GNG7: variants seen among roughly 807,000 people sequenced by gnomAD.
The protein encoded by GNG7 is G protein subunit gamma 7.
GNG7 carries 1 observed loss-of-function variant against 4.0 expected under a neutral mutation model. The observed-to-expected ratio is 0.25, with a 90% confidence interval of 0.09 to 1.18. The LOEUF is 1.18. Ranked by LOEUF, GNG7 falls within the 50% of genes most tolerant of loss-of-function variation. The probability of loss-of-function intolerance (pLI) is 0.50; values close to 1 mark genes in which losing one functional copy is unlikely to be tolerated. For missense variants in GNG7, 86 were observed against 91.9 expected (o/e 0.94, Z 0.26); for synonymous variants, 34 against 36.9 (o/e 0.92, Z 0.29).
chr19:2,580,642 C>G (rs1406293922), intron 2 of GNG7, among the ~76,000 whole-genome samples: 1 of 152,040 alleles, frequency 6.6e-6, no homozygotes, highest in Non-Finnish European at 1.5e-5. Flanking sequence ...TTGCTGTTAC[C>G]CAGGCTGGAG....
intron 2 of GNG7, among the ~76,000 whole-genome samples, chr19:2,602,241 A>G (rs4806867): frequency 1.3e-5 from 2 of 151,930 alleles, no homozygotes; most frequent in African/African-American, 2.4e-5. Context: ...GGAGGCTGAG[A>G]CAGGAGGATT....
chr19:2,587,717 G>A (rs1023838661), intron 2 of GNG7, among the ~76,000 whole-genome samples: 3 of 152,034 alleles, frequency 2.0e-5, no homozygotes, highest in Non-Finnish European at 2.9e-5. Context: ...CGCTGTCTCA[G>A]CCTCCAGGAG....
chr19:2,525,971 A>ATTTTTTTTTTTTTTTCTTT (rs1978381008), intron 3 of GNG7, among the ~76,000 whole-genome samples: 1 of 75,684 alleles, frequency 1.3e-5, no homozygotes, highest in Admixed American at 1.9e-4. Context: ...CTCCACGCCA[A>ATTTTTTTTTTTTTTTCTTT]TTTTTTTTTT....
rs33940288 is a variant in GNG7, at chr19:2,589,371, CTTTTTTTTTT to C, written c.-77-34193_-77-34184del. On this transcript the variant is annotated intron_variant, in intron 2 of 4. Transcript: ENST00000382159. ...CCAGGTAGCTGGGACTACAGGTGCA[CTTTTTTTTTT>C]TTTTTTTTTTTTTTAAATAGCAGAG... Among the ~76,000 whole-genome samples, 36 of 100,576 alleles carry C rather than the reference CTTTTTTTTTT, an allele frequency of 3.6e-4. 4 individuals carry two copies. Among genetic ancestry groups the C allele is most frequent in the African/African-American group, 1.2e-3 (32 of 26,788 alleles). The allele number at this position is 100,576 out of a possible 152,430, so 66.0% of individuals were successfully genotyped here.
intron 2 of GNG7, among the ~76,000 whole-genome samples, chr19:2,602,736 G>T (rs1273660222): frequency 1.3e-5 from 2 of 152,162 alleles, no homozygotes; most frequent in Non-Finnish European, 2.9e-5. Flanking sequence ...TGGGCAGAGG[G>T]CCACCCGGCC....
chr19:2,642,568 G>A (rs112167953), intron 2 of GNG7: 32,971 of 355,132 alleles, frequency 0.093, 2,130 homozygotes, highest in South Asian at 0.22. Flanking sequence ...GTTTCACCAT[G>A]TTGCCTGGGC....
intron 3 of GNG7, among the ~76,000 whole-genome samples, chr19:2,551,337 C>T (rs534194236): frequency 6.6e-6 from 1 of 152,224 alleles, no homozygotes; most frequent in African/African-American, 2.4e-5. Flanking sequence ...CGGGCACATG[C>T]GACCCCTCGG....
intron 3 of GNG7, among the ~76,000 whole-genome samples, chr19:2,552,855 C>CG (rs1305761444): frequency 7.5e-6 from 1 of 134,178 alleles, no homozygotes; most frequent in Admixed American, 7.9e-5. Flanking sequence ...GGCTCCACCC[C>CG]CCCCACCTCC....
chr19:2,542,278 C>G (rs1295969294), intron 3 of GNG7, among the ~76,000 whole-genome samples: 1 of 151,886 alleles, frequency 6.6e-6, no homozygotes, highest in African/African-American at 2.4e-5. Flanking sequence ...CCACATCCAG[C>G]TAACTTTTGT....
At chr19:2,620,023 C>A (rs925171374) in intron 2 of GNG7, among the ~76,000 whole-genome samples, 1 of 151,552 alleles carries the variant, frequency 6.6e-6, no homozygotes, top group Non-Finnish European at 1.5e-5. Flanking sequence ...CATAAAGAAA[C>A]CCCGTCTCTA....
intron 2 of GNG7, among the ~76,000 whole-genome samples, chr19:2,625,466 G>A (rs890294909): frequency 2.6e-5 from 4 of 152,048 alleles, no homozygotes; most frequent in East Asian, 3.9e-4. Context: ...TTCCCATGTC[G>A]GCCTCTGAAA....
chr19:2,539,268 A>G (rs1978862901), intron 3 of GNG7, among the ~76,000 whole-genome samples: 2 of 151,746 alleles, frequency 1.3e-5, no homozygotes, highest in African/African-American at 4.8e-5. Context: ...CAATAAATTA[A>G]GGATATTTTC....
chr19:2,547,321 C>G lies in GNG7; in HGVS notation c.-38+7828G>C, dbSNP rs115836191. On this transcript the variant is annotated intron_variant, in intron 3 of 4. Coordinates refer to ENST00000382159, the MANE Select transcript of GNG7 (RefSeq NM_052847.3). ...GGGCCTCACTGGTTTAAAATCAAGG[C>G]ACAGGCAGGGCTGGTCCCTCCTGGA... Among the ~76,000 whole-genome samples the G allele has an allele frequency of 7.6e-3, 1,153 of 152,202 alleles. 13 individuals are homozygous for G. Among genetic ancestry groups the G allele is most frequent in the African/African-American group, 0.026 (1,076 of 41,522 alleles).
In GNG7 at chr19:2,662,410, G is replaced by T. The variant is rs1004415286; in HGVS notation, c.-134-16130C>A. 2.0e-5 allele frequency among the ~76,000 whole-genome samples: 3 copies of T among 152,024 alleles called. No individual in the cohort carries two copies. The East Asian group carries it at 5.8e-4, about 29-fold the overall frequency. On this transcript the variant is annotated intron_variant, in intron 1 of 4. Coordinates refer to ENST00000382159, the MANE Select transcript of GNG7 (RefSeq NM_052847.3). ...CCTGGAGACAGCCTTGGACCCCACA[G>T]GTTGAGGGCTAAATCCCCCCACAAG...
chr19:2,625,647 T>C (rs1459789574), intron 2 of GNG7, among the ~76,000 whole-genome samples: 2 of 152,062 alleles, frequency 1.3e-5, no homozygotes, highest in African/African-American at 4.8e-5. Flanking sequence ...GGGAAGCCAG[T>C]GAAGGGCAGA....
intron 1 of GNG7, among the ~76,000 whole-genome samples, chr19:2,657,393 T>TACACAC (rs1397777305): frequency 4.2e-4 from 39 of 92,876 alleles, no homozygotes; most frequent in African/African-American, 1.7e-3. Flanking sequence ...TATATATATA[T>TACACAC]ATATATACAC....
chr19:2,547,788 TCTC>T (rs1979177563), intron 3 of GNG7, among the ~76,000 whole-genome samples: 1 of 152,186 alleles, frequency 6.6e-6, no homozygotes, highest in Non-Finnish European at 1.5e-5. Flanking sequence ...CCAGGGCCGA[TCTC>T]CTTCCCAGGA....
chr19:2,621,570 G>A (rs1445997924), intron 2 of GNG7, among the ~76,000 whole-genome samples: 3 of 151,366 alleles, frequency 2.0e-5, no homozygotes, highest in African/African-American at 4.9e-5. Context: ...GTTGGTGCGC[G>A]CCTGTAATCC....
At chr19:2,527,775 C>CCT (rs1491177560) in intron 3 of GNG7, among the ~76,000 whole-genome samples, 3 of 87,300 alleles carry the variant, frequency 3.4e-5, no homozygotes, top group Non-Finnish European at 6.1e-5. Context: ...TGCCAGGAAA[C>CCT]CCCCCCCCCC....
Sources: allele counts gnomAD v4.1 joint callset (sites outside exome capture counted in the v4.1 genomes callset), GRCh38; gene constraint gnomAD v4.1.1; transcripts MANE v1.5; gene names NCBI Gene and HGNC (gene_info 2026-07-23, HGNC 2026-07-21).